Variants in EXOC6 observed in about 807,000 individuals in gnomAD.
The protein encoded by EXOC6 is exocyst complex component 6, also known as SEC15-like 1.
In EXOC6, 60 loss-of-function variants were observed where a neutral mutation model predicts 112.5. The observed-to-expected ratio is 0.53, with a 90% CI of 0.43 to 0.66. The LOEUF (loss-of-function observed/expected upper bound fraction) is 0.66. EXOC6 is among the 30% of genes least tolerant of loss of function. The pLI is 0.00. For synonymous variants in EXOC6, 295 were observed against 308.0 expected, an observed-to-expected ratio of 0.96 and a Z score of 0.44; for missense variants, 855 against 957.1, an observed-to-expected ratio of 0.89 and a Z score of 1.41.
chr10:93,022,828 G>A (rs1844846529), intron 20 of EXOC6, among the ~76,000 whole-genome samples: 3 of 151,826 alleles, frequency 2.0e-5, no homozygotes, highest in Admixed American at 2.0e-4. Flanking sequence ...ATTTAAATAA[G>A]GATGCTTTAA....
intron 6 of EXOC6, among the ~76,000 whole-genome samples, chr10:92,914,927 A>G (rs1388252991): frequency 6.6e-6 from 1 of 152,232 alleles, no homozygotes; most frequent in African/African-American, 2.4e-5. Context: ...ATTTCTGGTA[A>G]TGAAGTTCTG....
intron 20 of EXOC6, among the ~76,000 whole-genome samples, chr10:93,055,963 A>G (rs1390941154): frequency 6.6e-6 from 1 of 152,182 alleles, no homozygotes; most frequent in Non-Finnish European, 1.5e-5. Context: ...GTATCCCATG[A>G]GTAAATGCAA....
chr10:93,028,697 G>A (rs61863082), intron 20 of EXOC6, among the ~76,000 whole-genome samples: 1 of 152,100 alleles, frequency 6.6e-6, no homozygotes, highest in Non-Finnish European at 1.5e-5. Flanking sequence ...AGTTGGACGT[G>A]GTGGCATATG....
intron 20 of EXOC6, among the ~76,000 whole-genome samples, chr10:93,050,713 T>C (rs1486733330): frequency 1.6e-5 from 2 of 123,884 alleles, no homozygotes; most frequent in Non-Finnish European, 3.2e-5. Flanking sequence ...TGAGCCGAGA[T>C]CACGCCACTG....
chr10:93,050,838 C>T (rs1445340145), intron 20 of EXOC6, among the ~76,000 whole-genome samples: 8 of 149,248 alleles, frequency 5.4e-5, no homozygotes, highest in Non-Finnish European at 1.2e-4. Flanking sequence ...CACCACTGCA[C>T]TCCAGTCTGG....
intron 1 of EXOC6, among the ~76,000 whole-genome samples, chr10:92,887,226 A>G (rs1156724114): frequency 6.6e-6 from 1 of 151,968 alleles, no homozygotes; most frequent in Non-Finnish European, 1.5e-5. Flanking sequence ...TCCTCATTCC[A>G]GTGTTCTGAT....
intron 15 of EXOC6, among the ~76,000 whole-genome samples, chr10:92,953,199 C>G (rs1387527462): frequency 3.3e-5 from 5 of 152,070 alleles, no homozygotes; most frequent in African/African-American, 1.2e-4. Flanking sequence ...CCACCTCAGC[C>G]TCCCAAGTAG....
intron 1 of EXOC6, among the ~76,000 whole-genome samples, chr10:92,870,616 A>G (rs1281573021): frequency 6.6e-6 from 1 of 151,932 alleles, no homozygotes; most frequent in Non-Finnish European, 1.5e-5. Flanking sequence ...ATTGGTACAG[A>G]CTTTTTCCGA....
Position 92,905,652 on chromosome 10 carries a change from T to C in EXOC6, c.459-3775T>C, listed in dbSNP as rs370627236. On this transcript the variant is annotated intron_variant, in intron 5 of 21. Transcript: ENST00000260762. ...GGTGAGAGGGAGCTTCTTTGCCTTG[T>C]TCTTAATCTCATGGGGGAAAAGCAT... Among the ~76,000 whole-genome samples the C allele has an allele frequency of 2.0e-5, 3 of 152,198 alleles. No individual in the cohort carries two copies. In the East Asian group the frequency reaches 5.8e-4, roughly 29 times the overall value.
chr10:92,985,584 C>G (rs1045072171), intron 18 of EXOC6, among the ~76,000 whole-genome samples: 1 of 152,122 alleles, frequency 6.6e-6, no homozygotes, highest in African/African-American at 2.4e-5. Context: ...CTTCCTTCTC[C>G]TAGAAGATTA....
intron 8 of EXOC6, among the ~76,000 whole-genome samples, chr10:92,921,590 A>G (rs901020457): frequency 6.7e-6 from 1 of 149,680 alleles, no homozygotes; most frequent in Non-Finnish European, 1.5e-5. Flanking sequence ...TTAACATCTT[A>G]CTTTAAAACA....
In EXOC6 at chr10:92,891,570, C is replaced by T. The variant is rs766369823; in HGVS notation, c.102-1779C>T. 2.6e-5 allele frequency among the ~76,000 whole-genome samples: 4 copies of T among 152,114 alleles called. No homozygotes were observed. In the East Asian group the frequency reaches 7.7e-4, roughly 29 times the overall value. ...GATCTTTGCTCACTGCAACCTCTGC[C>T]TCCCGGGTTCAAGCGATTCTCCTGC... On this transcript the variant is annotated intron_variant, in intron 1 of 21. Transcript: ENST00000260762.
intron 1 of EXOC6, among the ~76,000 whole-genome samples, chr10:92,878,893 T>C (rs1035702554): frequency 3.3e-5 from 5 of 150,636 alleles, no homozygotes; most frequent in Admixed American, 2.0e-4. Flanking sequence ...AGCTTATCAC[T>C]TTTTTCCAAA....
intron 4 of EXOC6, among the ~76,000 whole-genome samples, chr10:92,896,593 A>G (rs1246136963): frequency 6.6e-6 from 1 of 150,820 alleles, no homozygotes; most frequent in Non-Finnish European, 1.5e-5. Flanking sequence ...TAGTATTATT[A>G]TTATTATTAT....
intron 1 of EXOC6, among the ~76,000 whole-genome samples, chr10:92,870,473 C>T (rs893007043): frequency 1.3e-5 from 2 of 152,108 alleles, no homozygotes; most frequent in African/African-American, 4.8e-5. Flanking sequence ...TTAGAATAAA[C>T]CCCATTTGGT....
At chr10:92,866,571 A>G (rs1278506123) in intron 1 of EXOC6, among the ~76,000 whole-genome samples, 2 of 152,174 alleles carry the variant, frequency 1.3e-5, no homozygotes, top group Non-Finnish European at 1.5e-5. Flanking sequence ...TTATTTTCAT[A>G]CATGTTTAAA....
intron 10 of EXOC6, 60 bp downstream of exon 10, chr10:92,934,250 T>C: frequency 6.5e-7 from 1 of 1,536,658 alleles, no homozygotes. Context: ...ATGCCAGAAA[T>C]ACTTACTTTC....
chr10:93,058,546 TATATGGAAA>T lies in EXOC6; in HGVS notation c.*193_*201del. 1 of 415,808 alleles carries T rather than the reference TATATGGAAA, an allele frequency of 2.4e-6. No homozygotes were observed. Among genetic ancestry groups the T allele is most frequent in the Non-Finnish European group, 4.0e-6 (1 of 247,336 alleles). The allele number at this position is 415,808 out of a possible 1,614,324, so 25.8% of individuals were successfully genotyped here. A position where few individuals can be genotyped will look rare whatever the true frequency, so the allele number is the denominator to read the frequency against. On this transcript the variant is annotated 3_prime_UTR_variant, in exon 22 of 22. Coordinates refer to ENST00000260762, the MANE Select transcript of EXOC6 (RefSeq NM_019053.6). The stretch of plus-strand genomic sequence containing the variant: ...TTTTAAATAATCGAATACTATTTTA[TATATGGAAA>T]AAAATGACCATTTTTTCACTTTTAG...
chr10:93,030,513 A>G (rs1845224128), intron 20 of EXOC6, among the ~76,000 whole-genome samples: 1 of 152,264 alleles, frequency 6.6e-6, no homozygotes, highest in East Asian at 1.9e-4. Flanking sequence ...TTTAAGAAGC[A>G]TGAACAGTAA....
Sources: gnomAD v4.1 joint callset for allele counts (sites outside exome capture counted in the v4.1 genomes callset) on GRCh38, gnomAD v4.1.1 for gene constraint, MANE v1.5 for transcripts, NCBI Gene and HGNC (gene_info 2026-07-23, HGNC 2026-07-21) for gene names.